Variants in MSRA observed in about 807,000 individuals in gnomAD.
The protein encoded by MSRA is mitochondrial peptide methionine sulfoxide reductase.
A neutral mutation model predicts 31.3 loss-of-function variants in MSRA; 54 were observed. The observed-to-expected ratio is 1.73, with a 90% CI of 1.39 to 2.17. The LOEUF (loss-of-function observed/expected upper bound fraction) is 2.17. Ranked by LOEUF, MSRA falls within the 30% of genes most tolerant of loss-of-function variation. The probability of loss-of-function intolerance (pLI) is 0.00; values close to 1 mark genes in which losing one functional copy is unlikely to be tolerated. For synonymous variants in MSRA, 169 were observed against 116.5 expected, an observed-to-expected ratio of 1.45 and a Z score of -2.90; for missense variants, 507 against 300.9, an observed-to-expected ratio of 1.69 and a Z score of -5.07.
intron 5 of MSRA, among the ~76,000 whole-genome samples, chr8:10,343,266 A>T (rs1461239325): frequency 6.6e-6 from 1 of 152,192 alleles, no homozygotes; most frequent in African/African-American, 2.4e-5. Flanking sequence ...CACCGTCTCT[A>T]TCTGCCTTCA....
chr8:10,068,535 G>T (rs959974996), intron 1 of MSRA, among the ~76,000 whole-genome samples: 1 of 152,216 alleles, frequency 6.6e-6, no homozygotes, highest in South Asian at 2.1e-4. Flanking sequence ...TGGGTGTCCA[G>T]TTGGTCAAGC....
intron 5 of MSRA, among the ~76,000 whole-genome samples, chr8:10,346,338 T>C (rs1585540576): frequency 6.6e-6 from 1 of 152,346 alleles, no homozygotes; most frequent in East Asian, 1.9e-4. Flanking sequence ...GCCCTGCTCA[T>C]GGCTTATAAG....
At chr8:10,282,513 A>G (rs1799674878) in intron 3 of MSRA, among the ~76,000 whole-genome samples, 1 of 152,314 alleles carries the variant, frequency 6.6e-6, no homozygotes, top group Non-Finnish European at 1.5e-5. Context: ...ACAGGTGTCC[A>G]TTCTGTGTCC....
rs572415891 is a variant in MSRA, at chr8:10,140,056, C to T, written c.143-67777C>T. 3.9e-5 allele frequency among the ~76,000 whole-genome samples: 6 copies of T among 152,198 alleles called. No homozygotes were observed. In the South Asian group the frequency reaches 1.0e-3, roughly 26 times the overall value. ...CACGGGAGCCTTCCGAAATGAAGAG[C>T]GAGGGAAACAGGGAAACCTGTGTAT... is the stretch of plus-strand genomic sequence containing the variant. On this transcript the variant is annotated intron_variant, in intron 1 of 5. Transcript: ENST00000317173.
intron 3 of MSRA, among the ~76,000 whole-genome samples, chr8:10,292,587 G>A (rs1800301102): frequency 6.6e-6 from 1 of 152,244 alleles, no homozygotes; most frequent in South Asian, 2.1e-4. Flanking sequence ...AGGTGACTCA[G>A]TGGAGGAGCC....
chr8:10,167,149 C>G (rs1033218292), intron 1 of MSRA, among the ~76,000 whole-genome samples: 1 of 152,146 alleles, frequency 6.6e-6, no homozygotes, highest in Non-Finnish European at 1.5e-5. Context: ...TCTCCCATGC[C>G]AGGAATTAAA....
intron 5 of MSRA, among the ~76,000 whole-genome samples, chr8:10,335,039 G>A (rs1479501141): frequency 1.3e-5 from 2 of 152,182 alleles, no homozygotes; most frequent in African/African-American, 4.8e-5. Context: ...CCATGGCCCC[G>A]TGCAGGTAGA....
intron 1 of MSRA, among the ~76,000 whole-genome samples, chr8:10,118,755 A>C (rs1261504640): frequency 6.6e-6 from 1 of 152,136 alleles, no homozygotes; most frequent in Non-Finnish European, 1.5e-5. Context: ...ACGTCCCTCA[A>C]AACCAGCTCC....
chr8:10,063,644 C>G (rs1449385308), intron 1 of MSRA, among the ~76,000 whole-genome samples: 2 of 152,086 alleles, frequency 1.3e-5, no homozygotes, highest in African/African-American at 4.8e-5. Flanking sequence ...GATTAGTGCC[C>G]TTGTAAAAGA....
At chr8:10,404,289 G>A (rs370319182) in intron 5 of MSRA, among the ~76,000 whole-genome samples, 19 of 152,038 alleles carry the variant, frequency 1.2e-4, no homozygotes, top group African/African-American at 4.1e-4. Context: ...CCAGAGAAGC[G>A]TCCCCCTGGA....
intron 1 of MSRA, among the ~76,000 whole-genome samples, chr8:10,196,987 C>T (rs1808051534): frequency 6.6e-6 from 1 of 152,330 alleles, no homozygotes; most frequent in South Asian, 2.1e-4. Flanking sequence ...ATAGGAAACA[C>T]ATGTCTTAGT....
At chr8:10,099,214 A>C (rs560888638) in intron 1 of MSRA, among the ~76,000 whole-genome samples, 24 of 152,314 alleles carry the variant, frequency 1.6e-4, no homozygotes, top group African/African-American at 5.8e-4. Flanking sequence ...AGAGGAGATA[A>C]AAGTCACGTG....
chr8:10,254,996 A>G (rs373639338), intron 3 of MSRA, among the ~76,000 whole-genome samples: 19 of 152,308 alleles, frequency 1.2e-4, no homozygotes, highest in African/African-American at 4.1e-4. Context: ...AGGCATTACA[A>G]TCTTTTCTTC....
At chr8:10,274,314 G>T (rs965956546) in intron 3 of MSRA, among the ~76,000 whole-genome samples, 2 of 152,258 alleles carry the variant, frequency 1.3e-5, no homozygotes, top group East Asian at 1.9e-4. Flanking sequence ...GCTGCCTGAG[G>T]GAGGGAAGAC....
At chr8:10,396,941 C>G (rs1212843588) in intron 5 of MSRA, among the ~76,000 whole-genome samples, 1 of 152,154 alleles carries the variant, frequency 6.6e-6, no homozygotes, top group Admixed American at 6.5e-5. Flanking sequence ...TGCCATCAGT[C>G]GGCTTCCAAA....
chr8:10,236,140 T>C (rs1811914566), intron 2 of MSRA, among the ~76,000 whole-genome samples: 2 of 152,198 alleles, frequency 1.3e-5, no homozygotes, highest in Non-Finnish European at 2.9e-5. Context: ...TGATAAAGGA[T>C]ATCTTGCAAA....
chr8:10,114,077 G>A (rs9329215), intron 1 of MSRA, among the ~76,000 whole-genome samples: 88,772 of 152,114 alleles, frequency 0.58, 26,113 homozygotes, highest in Middle Eastern at 0.67. Flanking sequence ...GCTGGTCATT[G>A]GCATCTGGCT....
intron 5 of MSRA, among the ~76,000 whole-genome samples, chr8:10,381,374 T>A (rs1806059512): frequency 6.6e-6 from 1 of 152,174 alleles, no homozygotes; most frequent in Non-Finnish European, 1.5e-5. Flanking sequence ...CAGGAAGTTT[T>A]TGGTTTAGGG....
At chr8:10,402,756 G>GT (rs1406949444) in intron 5 of MSRA, among the ~76,000 whole-genome samples, 1 of 152,218 alleles carries the variant, frequency 6.6e-6, no homozygotes, top group Non-Finnish European at 1.5e-5. Context: ...GTATAGTGCA[G>GT]TGATACTTTT....
Sources: allele counts gnomAD v4.1 joint callset (sites outside exome capture counted in the v4.1 genomes callset), GRCh38; gene constraint gnomAD v4.1.1; transcripts MANE v1.5; gene names NCBI Gene and HGNC (gene_info 2026-07-23, HGNC 2026-07-21).